The following RAD54B variants were observed in gnomAD, a reference collection of about 807,000 sequenced individuals.
RAD54B encodes DNA repair and recombination protein RAD54B.
In RAD54B, 78 loss-of-function variants were observed where a neutral mutation model predicts 95.8. The ratio of observed to expected loss-of-function variants is 0.81; its 90% CI spans 0.68 to 0.98. RAD54B has a LOEUF of 0.98. RAD54B is among the 50% of genes least tolerant of loss of function. The pLI, the probability that RAD54B is intolerant of heterozygous loss-of-function variation, is 0.00. For missense variants in RAD54B, 957 were observed against 1,056.6 expected, an observed-to-expected ratio of 0.91 and a Z score of 1.31; for synonymous variants, 328 against 354.9, an observed-to-expected ratio of 0.92 and a Z score of 0.85.
intron 8 of RAD54B, among the ~76,000 whole-genome samples, chr8:94,395,051 T>C (rs1056922152): frequency 2.0e-5 from 3 of 152,212 alleles, no homozygotes; most frequent in African/African-American, 7.2e-5. Flanking sequence ...AGAATATGCA[T>C]GATGATGACA....
chr8:94,470,286 C>A (rs1166555936), intron 1 of RAD54B, among the ~76,000 whole-genome samples: 2 of 151,644 alleles, frequency 1.3e-5, no homozygotes, highest in African/African-American at 2.4e-5. Flanking sequence ...CATGGTGAAA[C>A]CCCGTCTCTA....
Position 94,410,942 on chromosome 8 carries a change from T to C in RAD54B, c.499+179A>G, listed in dbSNP as rs182363021. 6.4e-3 allele frequency among the ~76,000 whole-genome samples: 972 copies of C among 152,208 alleles called. 42 individuals are homozygous for C. The highest frequency in any genetic ancestry group is 0.056 in the Admixed American group (861 of 15,280). On this transcript the variant is annotated intron_variant, in intron 4 of 14. Transcript: ENST00000336148. ...CACTGAGCTAGCATAAACCATAAGATTGTCAGGCTCACTAACCATTATGAG... is the reference window on the plus strand; with the variant it reads ...CACTGAGCTAGCATAAACCATAAGACTGTCAGGCTCACTAACCATTATGAG...
Position 94,378,210 on chromosome 8 carries a change from A to G in RAD54B, c.2485T>C (p.Cys829Arg), listed in dbSNP as rs552432318. 1.9e-6 allele frequency: 3 copies of G among 1,612,226 alleles called. No individual in the cohort carries two copies. The Admixed American group carries it at 5.0e-5, about 27-fold the overall frequency. Residue 829 changes from cysteine to arginine, a missense_variant, in exon 14 of 15, where the codon TGT becomes CGT. Transcript: ENST00000336148. ...TGAACTTCTTCTCCTGTACACTCAC[A>G]GTCAAGCAGATCATGAGTAACACAA... ...SDCVTHDLLD[C>R]ECTGEEVHTG...
intron 11 of RAD54B, among the ~76,000 whole-genome samples, chr8:94,384,749 T>C (rs1810829549): frequency 6.6e-6 from 1 of 152,198 alleles, no homozygotes; most frequent in Admixed American, 6.5e-5. Flanking sequence ...AGACCCAGCC[T>C]GTGCCACTTA....
chr8:94,414,984 A>G (rs192575673), intron 3 of RAD54B, among the ~76,000 whole-genome samples: 4,292 of 152,216 alleles, frequency 0.028, 116 homozygotes, highest in African/African-American at 0.069. Context: ...TCAAGCTACC[A>G]ATGTCTTTCT....
In RAD54B at chr8:94,382,868, A is replaced by G. The variant is rs144607209; in HGVS notation, c.1986-2462T>C. Reference sequence around the variant, plus strand: ...TTCCCCTTTGCCTTCTGCCATGATTATAAGTTTCCTGAGGCCTTCCCAGCC... The same window carrying G: ...TTCCCCTTTGCCTTCTGCCATGATTGTAAGTTTCCTGAGGCCTTCCCAGCC... On this transcript the variant is annotated intron_variant, in intron 11 of 14. Coordinates refer to ENST00000336148, the MANE Select transcript of RAD54B (RefSeq NM_012415.3). Among the ~76,000 whole-genome samples the G allele has an allele frequency of 5.5e-3, 835 of 152,316 alleles. 4 individuals carry two copies. Among genetic ancestry groups the G allele is most frequent in the Admixed American group, 9.0e-3 (138 of 15,304 alleles).
At chr8:94,411,442 TGA>T in intron 3 of RAD54B, 127 bp from the exon 4 acceptor site, 1 of 702,506 alleles carries the variant, frequency 1.4e-6, no homozygotes, top group Non-Finnish European at 2.2e-6. Flanking sequence ...AAAGAATATT[TGA>T]TCATACTCAT....
chr8:94,388,290 A>G lies in RAD54B; in HGVS notation c.1810-1131T>C, dbSNP rs983317930. On this transcript the variant is annotated intron_variant, in intron 10 of 14. Coordinates refer to ENST00000336148, the MANE Select transcript of RAD54B (RefSeq NM_012415.3). ...AATGTGAAGAGCTTTGTGAGGATCT[A>G]CTTCCACTTACTGAATAATAAATAT... Among the ~76,000 whole-genome samples, 9 of 152,220 alleles carry G rather than the reference A, an allele frequency of 5.9e-5. No individual in the cohort carries two copies. In the East Asian group the frequency reaches 1.2e-3, roughly 20 times the overall value.
chr8:94,393,867 T>C lies in RAD54B; in HGVS notation c.1394A>G (p.Asn465Ser). The C allele has an allele frequency of 6.2e-7, 1 of 1,606,424 alleles. No homozygotes were observed. The highest frequency in any genetic ancestry group is 8.5e-7 in the Non-Finnish European group (1 of 1,176,152). ...TAATGCAAAAAATTCTTGCAGATCA[T>C]TCTGAATTGGAGTACCTAAAGAGAG... ...RIILTGTPIQNDLQEFFALID... is the reference protein window; with the variant it reads ...RIILTGTPIQSDLQEFFALID... Residue 465 changes from asparagine (N) to serine (S), a missense_variant, in exon 9 of 15, where the codon AAT becomes AGT. Physicochemically the swap from Asn to Ser is conservative, Grantham distance 46. Coordinates refer to ENST00000336148, the MANE Select transcript of RAD54B (RefSeq NM_012415.3).
At chr8:94,467,596 T>C (rs1020963974) in intron 1 of RAD54B, 41 bp from the exon 2 acceptor site, 1 of 1,547,950 alleles carries the variant, frequency 6.5e-7, no homozygotes, top group South Asian at 1.2e-5. Context: ...ACGAATCTAA[T>C]TACAATCACC....
chr8:94,400,539 A>C, intron 6 of RAD54B, 76 bp from the exon 7 acceptor site: 1 of 1,226,406 alleles, frequency 8.2e-7, no homozygotes, highest in Non-Finnish European at 1.1e-6. Context: ...AAGAACCAGA[A>C]ACTGATATTT....
chr8:94,436,520 C>A (rs1402870107), intron 3 of RAD54B: 1 of 1,549,374 alleles, frequency 6.5e-7, no homozygotes, highest in Admixed American at 2.0e-5. Context: ...CTGTCTCTTA[C>A]CAGGCAAAAA....
At chr8:94,456,619 T>C (rs1328131173) in intron 3 of RAD54B, among the ~76,000 whole-genome samples, 16 of 152,184 alleles carry the variant, frequency 1.1e-4, no homozygotes, top group Admixed American at 1.0e-3. Context: ...ACTCGAGAGT[T>C]TGTAGGCATA....
At chr8:94,432,637 C>T in intron 3 of RAD54B, 1 of 1,536,868 alleles carries the variant, frequency 6.5e-7, no homozygotes, top group Non-Finnish European at 8.8e-7. Flanking sequence ...CCAGCCTGTG[C>T]CTCCTCATCC....
chr8:94,411,130 T>C lies in RAD54B; in HGVS notation c.490A>G (p.Ile164Val), dbSNP rs1811517141. Residue 164 changes from isoleucine (I) to valine (V), a missense_variant, in exon 4 of 15, where the codon ATT becomes GTT. By Grantham distance (29) the Ile-to-Val change is conservative. Coordinates refer to ENST00000336148, the MANE Select transcript of RAD54B (RefSeq NM_012415.3). ...FILKNLEGKD[I>V]GRGIGYKFKE... ...GGTAGTATCATAATACCTCTTCCAATGTCTTTGCCTTCCAAATTCTTTAAT... is the reference window on the plus strand; with the variant it reads ...GGTAGTATCATAATACCTCTTCCAACGTCTTTGCCTTCCAAATTCTTTAAT... The C allele has an allele frequency of 1.9e-6, 3 of 1,604,444 alleles. No homozygotes were observed. Among genetic ancestry groups the C allele is most frequent in the African/African-American group, 2.7e-5 (2 of 74,348 alleles).
At chr8:94,372,436 G>A (rs759162100) in intron 14 of RAD54B, 49 bp from the exon 15 acceptor site, 9 of 1,589,678 alleles carry the variant, frequency 5.7e-6, no homozygotes, top group Admixed American at 3.8e-5. Context: ...CCAATATCCT[G>A]CTAAATACAA....
Position 94,389,139 on chromosome 8 carries a change from G to C in RAD54B, c.1810-1980C>G, listed in dbSNP as rs1389592835. Among the ~76,000 whole-genome samples the C allele has an allele frequency of 2.0e-5, 3 of 152,152 alleles. No homozygotes were observed. In the East Asian group the frequency reaches 5.8e-4, roughly 29 times the overall value. On this transcript the variant is annotated intron_variant, in intron 10 of 14. Transcript: ENST00000336148. ...ATGGGTGATCTTTTCTTTTTTTAAA[G>C]AGACAGGGCCTCATTATGTTGCCCA...
chr8:94,435,051 C>T (rs909414295), intron 3 of RAD54B, among the ~76,000 whole-genome samples: 1 of 151,924 alleles, frequency 6.6e-6, no homozygotes, highest in South Asian at 2.1e-4. Flanking sequence ...ATTATAAAAA[C>T]CTATACCTAC....
At chr8:94,434,717 A>AT (rs1812208929) in intron 3 of RAD54B, among the ~76,000 whole-genome samples, 1 of 151,646 alleles carries the variant, frequency 6.6e-6, no homozygotes. Flanking sequence ...TTAAAGAAAT[A>AT]AGCTAATACA....
Sources: allele counts gnomAD v4.1 joint callset (sites outside exome capture counted in the v4.1 genomes callset), GRCh38; gene constraint gnomAD v4.1.1; transcripts MANE v1.5; gene names NCBI Gene and HGNC (gene_info 2026-07-23, HGNC 2026-07-21).